Variants in NCKAP5 observed in about 807,000 individuals in gnomAD.
NCKAP5 encodes NCK associated protein 5, also known as nck-associated protein 5.
Under a neutral mutation model 167.0 loss-of-function variants are expected in NCKAP5, and 92 were observed. That is an observed-to-expected ratio of 0.55 (90% CI 0.47 to 0.66). The LOEUF is 0.66. Among genes scored for constraint, NCKAP5 ranks in the 30% least tolerant of loss-of-function variants. The probability of loss-of-function intolerance (pLI) is 0.00; values close to 1 mark genes in which losing one functional copy is unlikely to be tolerated. For synonymous variants in NCKAP5, 891 were observed against 877.4 expected (o/e 1.02, Z -0.27); for missense variants, 2,378 against 2,315.0 (o/e 1.03, Z -0.56).
chr2:133,140,531 C>CT (rs1471585565), intron 5 of NCKAP5, among the ~76,000 whole-genome samples: 4 of 152,204 alleles, frequency 2.6e-5, no homozygotes, highest in Non-Finnish European at 5.9e-5. Flanking sequence ...CATCTACGCT[C>CT]TAGTCTTGAA....
chr2:132,965,537 A>C (rs1426038337), intron 7 of NCKAP5, among the ~76,000 whole-genome samples: 1 of 152,136 alleles, frequency 6.6e-6, no homozygotes, highest in African/African-American at 2.4e-5. Context: ...TTTTTCATTC[A>C]TCACTCAGCA....
In NCKAP5 at chr2:132,783,561, C is replaced by T. The variant is rs772825378; in HGVS notation, c.3250G>A (p.Val1084Ile). ...AATTGTCCTTTTCTCCCTGGAGATA[C>T]ACTTTTGGAGGACGTCATTTCCAGT... is the stretch of plus-strand genomic sequence containing the variant. ...EPLEMTSSKS[V>I]SPGRKGQLND... The change falls in exon 14 of 20, where the codon GTA becomes ATA. Residue 1084 changes from valine (V) to isoleucine (I), a missense_variant. By Grantham distance (29) the Val-to-Ile change is conservative. Transcript: ENST00000409261. 6.2e-7 allele frequency: 1 copy of T among 1,613,814 alleles called. No homozygotes were observed. The highest frequency in any genetic ancestry group is 8.5e-7 in the Non-Finnish European group (1 of 1,179,890).
At chr2:132,796,490 G>C (rs749555915) in intron 12 of NCKAP5, 138 bp downstream of exon 12, 2 of 543,070 alleles carry the variant, frequency 3.7e-6, no homozygotes, top group Non-Finnish European at 6.6e-6. Flanking sequence ...GAATTTCAGA[G>C]AACACAAGAA....
chr2:133,268,182 C>G (rs1348634014), intron 4 of NCKAP5, among the ~76,000 whole-genome samples: 1 of 152,160 alleles, frequency 6.6e-6, no homozygotes, highest in Non-Finnish European at 1.5e-5. Context: ...GGGCTCAAAT[C>G]ATTCTTTTGC....
chr2:132,890,748 T>C (rs902791649), intron 8 of NCKAP5, among the ~76,000 whole-genome samples: 35 of 152,190 alleles, frequency 2.3e-4, no homozygotes, highest in Non-Finnish European at 3.5e-4. Flanking sequence ...ATAGTGGCCA[T>C]ATGTGTAGCG....
the NCKAP5 span, among the ~76,000 whole-genome samples, chr2:133,601,868 A>G: frequency 6.6e-6 from 1 of 152,230 alleles, no homozygotes; most frequent in East Asian, 1.9e-4. Flanking sequence ...GTGCAGTCAT[A>G]GTACAGCAGA....
intron 4 of NCKAP5, among the ~76,000 whole-genome samples, chr2:133,224,699 AT>A (rs1243788994): frequency 6.6e-6 from 1 of 152,054 alleles, no homozygotes; most frequent in Non-Finnish European, 1.5e-5. Context: ...AAAGTAACCC[AT>A]TTTCTCCTCC....
chr2:133,237,197 T>C (rs1056466449), intron 4 of NCKAP5, among the ~76,000 whole-genome samples: 3 of 152,194 alleles, frequency 2.0e-5, no homozygotes, highest in African/African-American at 7.2e-5. Flanking sequence ...TTTGATACCT[T>C]GATTAATTAT....
At chr2:133,614,986 G>A in the NCKAP5 span, among the ~76,000 whole-genome samples, 9 of 152,102 alleles carry the variant, frequency 5.9e-5, no homozygotes, top group African/African-American at 2.2e-4. Context: ...GAGAGTGGGG[G>A]CCAATATTCA....
intron 7 of NCKAP5, among the ~76,000 whole-genome samples, chr2:132,976,574 A>G (rs1442788417): frequency 6.6e-6 from 1 of 151,368 alleles, no homozygotes; most frequent in Non-Finnish European, 1.5e-5. Context: ...AAAAAAAAAA[A>G]AAAAAAAAAG....
chr2:133,219,133 C>A (rs2086553118), intron 4 of NCKAP5, among the ~76,000 whole-genome samples: 1 of 152,146 alleles, frequency 6.6e-6, no homozygotes, highest in Non-Finnish European at 1.5e-5. Context: ...TATATCTGAC[C>A]TACCACATGA....
At chr2:132,699,729 T>C (rs577251432) in intron 19 of NCKAP5, among the ~76,000 whole-genome samples, 2 of 152,350 alleles carry the variant, frequency 1.3e-5, no homozygotes, top group Admixed American at 6.5e-5. Flanking sequence ...CAGTCTATCA[T>C]TGATGGACAT....
intron 8 of NCKAP5, among the ~76,000 whole-genome samples, chr2:132,881,871 T>C (rs960306383): frequency 1.3e-5 from 2 of 152,026 alleles, no homozygotes; most frequent in African/African-American, 2.4e-5. Context: ...TGCTCATCAA[T>C]CTTTCACCTA....
In NCKAP5 at chr2:132,672,953, T is replaced by TGGGGGGGGGGGGGG; in HGVS notation, c.*335_*336insCCCCCCCCCCCCCC. 1.5e-6 allele frequency: 1 copy of TGGGGGGGGGGGGGG among 672,078 alleles called. No individual in the cohort carries two copies. The highest frequency in any genetic ancestry group is 1.8e-6 in the Non-Finnish European group (1 of 547,584). The allele number at this position is 672,078 out of a possible 1,614,324, so 41.6% of individuals were successfully genotyped here. A position where few individuals can be genotyped will look rare whatever the true frequency, so the allele number is the denominator to read the frequency against. On this transcript the variant is annotated 3_prime_UTR_variant, in exon 20 of 20. Transcript: ENST00000409261. ...GTTTATTGTTATCTCTATCAAGCGGTGCACCCCCCACCCCCCACCCATCAT... is the reference window on the plus strand; with the variant it reads ...GTTTATTGTTATCTCTATCAAGCGGTGGGGGGGGGGGGGGGCACCCCCCACCCCCCACCCATCAT...
intron 11 of NCKAP5, among the ~76,000 whole-genome samples, chr2:132,805,660 CAA>C (rs61461970): frequency 0.56 from 78,853 of 142,068 alleles, 20,985 homozygotes; most frequent in East Asian, 0.67. Flanking sequence ...TAAAACTATG[CAA>C]AAAAAAAAAA....
intron 3 of NCKAP5, among the ~76,000 whole-genome samples, chr2:133,439,095 G>C (rs1005468516): frequency 2.0e-5 from 3 of 152,308 alleles, no homozygotes; most frequent in Admixed American, 6.5e-5. Flanking sequence ...GCTTCCAAAA[G>C]AGAGATAGCA....
chr2:132,975,376 A>T (rs2076949613), intron 7 of NCKAP5, among the ~76,000 whole-genome samples: 1 of 152,126 alleles, frequency 6.6e-6, no homozygotes, highest in East Asian at 1.9e-4. Context: ...CCTCCACATT[A>T]CTCTTCACTC....
the NCKAP5 span, among the ~76,000 whole-genome samples, chr2:133,668,713 C>T: frequency 1.3e-5 from 2 of 150,366 alleles, no homozygotes; most frequent in African/African-American, 5.0e-5. Context: ...TTTTATCCTA[C>T]TTGGAGTTTA....
intron 3 of NCKAP5, among the ~76,000 whole-genome samples, chr2:133,469,196 G>A (rs952965887): frequency 3.0e-4 from 45 of 151,794 alleles, no homozygotes; most frequent in African/African-American, 1.1e-3. Flanking sequence ...GCTCTTTTAG[G>A]GCAGGCCTGG....
Sources: allele counts gnomAD v4.1 joint callset (sites outside exome capture counted in the v4.1 genomes callset), GRCh38; gene constraint gnomAD v4.1.1; transcripts MANE v1.5; gene names NCBI Gene and HGNC (gene_info 2026-07-23, HGNC 2026-07-21).